The following SDC2 variants were observed in gnomAD, a reference collection of about 807,000 sequenced individuals.
SDC2 encodes the protein syndecan-2.
A neutral mutation model predicts 22.2 loss-of-function variants in SDC2; 13 were observed. That is an observed-to-expected ratio of 0.59 (90% CI 0.38 to 0.93). The LOEUF (loss-of-function observed/expected upper bound fraction) is 0.93. SDC2 is among the 40% of genes least tolerant of loss of function. SDC2 has a pLI of 0.00. For missense variants in SDC2, 235 were observed against 246.8 expected, an observed-to-expected ratio of 0.95 and a Z score of 0.32; for synonymous variants, 94 against 92.8, an observed-to-expected ratio of 1.01 and a Z score of -0.07.
At chr8:96,535,874 A>G (rs543461803) in intron 1 of SDC2, among the ~76,000 whole-genome samples, 1 of 152,332 alleles carries the variant, frequency 6.6e-6, no homozygotes, top group Non-Finnish European at 1.5e-5. Flanking sequence ...TGGAGACTTG[A>G]GACACAATAT....
chr8:96,561,136 AAGAG>A (rs1206138692), intron 1 of SDC2, among the ~76,000 whole-genome samples: 2 of 152,184 alleles, frequency 1.3e-5, no homozygotes, highest in Non-Finnish European at 2.9e-5. Context: ...TAATAATTAA[AAGAG>A]AGACAAAATA....
chr8:96,608,237 T>TG, intron 3 of SDC2, 98 bp from the exon 4 acceptor site: 3 of 1,120,910 alleles, frequency 2.7e-6, no homozygotes, highest in South Asian at 1.6e-5. Flanking sequence ...ACTCATTCTT[T>TG]GGGGGAAAAA....
chr8:96,592,979 TAA>T (rs1279634146), intron 1 of SDC2, among the ~76,000 whole-genome samples: 9 of 152,166 alleles, frequency 5.9e-5, no homozygotes, highest in African/African-American at 2.2e-4. Flanking sequence ...TCTGTAGCGG[TAA>T]AGTTCTGAGT....
intron 2 of SDC2, among the ~76,000 whole-genome samples, chr8:96,601,630 A>G (rs1163540670): frequency 7.8e-6 from 1 of 127,658 alleles, no homozygotes; most frequent in Admixed American, 8.7e-5. Context: ...ACAGGGCAAG[A>G]CTCCATCTCC....
chr8:96,552,484 T>TA (rs1814043582), intron 1 of SDC2, among the ~76,000 whole-genome samples: 1 of 152,214 alleles, frequency 6.6e-6, no homozygotes, highest in African/African-American at 2.4e-5. Flanking sequence ...TCTTTTAACA[T>TA]AAAATCAGTT....
At position 96,535,453 on chromosome 8, in the gene SDC2, C is replaced by T. The variant is rs114207484; in HGVS notation, c.60+41122C>T. On this transcript the variant is annotated intron_variant, in intron 1 of 4. Transcript: ENST00000302190. Reference sequence around the variant, plus strand: ...CTCTACAAATATCTGTACCAATTCTCCCATTACAACTTTTTACCCACACGG... The same window carrying T: ...CTCTACAAATATCTGTACCAATTCTTCCATTACAACTTTTTACCCACACGG... Among the ~76,000 whole-genome samples the T allele has an allele frequency of 5.1e-3, 774 of 152,320 alleles. 8 individuals carry two copies. The highest frequency in any genetic ancestry group is 0.017 in the African/African-American group (693 of 41,566).
At chr8:96,607,245 G>A (rs945758817) in intron 3 of SDC2, among the ~76,000 whole-genome samples, 3 of 151,966 alleles carry the variant, frequency 2.0e-5, no homozygotes, top group Non-Finnish European at 4.4e-5. Context: ...GGGAGTAAGT[G>A]GTGGGTTGGG....
At chr8:96,578,648 A>G (rs1814541803) in intron 1 of SDC2, among the ~76,000 whole-genome samples, 1 of 152,186 alleles carries the variant, frequency 6.6e-6, no homozygotes, top group African/African-American at 2.4e-5. Context: ...CTTTGGGGAT[A>G]AAAAGGCTGC....
At chr8:96,569,080 GCT>G (rs1814347736) in intron 1 of SDC2, among the ~76,000 whole-genome samples, 1 of 152,120 alleles carries the variant, frequency 6.6e-6, no homozygotes, top group Admixed American at 6.6e-5. Flanking sequence ...CACAATTATG[GCT>G]CACTGCAGCC....
At chr8:96,550,931 C>T (rs1426359246) in intron 1 of SDC2, among the ~76,000 whole-genome samples, 1 of 152,098 alleles carries the variant, frequency 6.6e-6, no homozygotes, top group African/African-American at 2.4e-5. Flanking sequence ...CTGTGGGTTC[C>T]TTCCTGTAGT....
intron 1 of SDC2, among the ~76,000 whole-genome samples, chr8:96,576,921 GTA>G (rs1563668130): frequency 1.3e-5 from 2 of 152,172 alleles, no homozygotes. Context: ...TCCCAAGAAT[GTA>G]TTGAGATGTA....
chr8:96,516,537 C>A (rs1025248694), intron 1 of SDC2, among the ~76,000 whole-genome samples: 1 of 151,410 alleles, frequency 6.6e-6, no homozygotes, highest in Non-Finnish European at 1.5e-5. Context: ...ATTTTAATCA[C>A]CCCCCCACCT....
At chr8:96,592,614 T>C (rs546330089) in intron 1 of SDC2, among the ~76,000 whole-genome samples, 1 of 152,332 alleles carries the variant, frequency 6.6e-6, no homozygotes, top group South Asian at 2.1e-4. Flanking sequence ...ATGCAAGTTC[T>C]TCTTTTGGCA....
intron 1 of SDC2, among the ~76,000 whole-genome samples, chr8:96,583,219 T>A (rs1163173878): frequency 6.7e-6 from 1 of 149,362 alleles, no homozygotes; most frequent in Non-Finnish European, 1.5e-5. Flanking sequence ...CCCAAAGTGC[T>A]GGGATTACAA....
At chr8:96,581,276 A>G (rs947104868) in intron 1 of SDC2, among the ~76,000 whole-genome samples, 8 of 152,266 alleles carry the variant, frequency 5.3e-5, no homozygotes, top group African/African-American at 1.9e-4. Flanking sequence ...TAATTTTATC[A>G]TTTTGCAAAT....
At chr8:96,576,364 G>GT (rs1291289471) in intron 1 of SDC2, among the ~76,000 whole-genome samples, 8 of 19,186 alleles carry the variant, frequency 4.2e-4, no homozygotes, top group African/African-American at 1.1e-3. Flanking sequence ...ATAATTGGTA[G>GT]TTTGTTTTTG....
chr8:96,543,997 G>T (rs1813892573), intron 1 of SDC2, among the ~76,000 whole-genome samples: 1 of 152,162 alleles, frequency 6.6e-6, no homozygotes. Flanking sequence ...TACTCGAGAT[G>T]CTAGAGCTGT....
In SDC2 at chr8:96,532,709, G is replaced by T. The variant is rs561664358; in HGVS notation, c.60+38378G>T. Among the ~76,000 whole-genome samples the T allele has an allele frequency of 5.9e-5, 9 of 152,072 alleles. No individual in the cohort carries two copies. In the East Asian group the frequency reaches 1.7e-3, roughly 29 times the overall value. On this transcript the variant is annotated intron_variant, in intron 1 of 4. Transcript: ENST00000302190. ...GGAAAGAGCAAGAGCTGTGAACTCA[G>T]ACAGGCTGAGTGCAGCCCCTAGCCC...
chr8:96,506,490 TATAAG>T (rs1255941667), intron 1 of SDC2, among the ~76,000 whole-genome samples: 2 of 152,040 alleles, frequency 1.3e-5, no homozygotes, highest in African/African-American at 4.8e-5. Context: ...GGTGAAAACT[TATAAG>T]AGACGGAGTC....
Sources: gnomAD v4.1 joint callset for allele counts (sites outside exome capture counted in the v4.1 genomes callset) on GRCh38, gnomAD v4.1.1 for gene constraint, MANE v1.5 for transcripts, NCBI Gene and HGNC (gene_info 2026-07-23, HGNC 2026-07-21) for gene names.